The following PRDM16 variants were observed in gnomAD, a reference collection of about 807,000 sequenced individuals.
PRDM16 encodes histone-lysine N-methyltransferase PRDM16.
In PRDM16, 23 loss-of-function variants were observed where a neutral mutation model predicts 110.6. The ratio of observed to expected loss-of-function variants is 0.21; its 90% CI spans 0.15 to 0.29. PRDM16 has a LOEUF of 0.29. Ranked by LOEUF, PRDM16 falls within the 10% of genes least tolerant of loss-of-function variation. PRDM16 has a pLI of 1.00. For missense variants in PRDM16, 1,615 were observed against 1,794.3 expected (o/e 0.90, Z 1.81); for synonymous variants, 799 against 781.8 (o/e 1.02, Z -0.37).
intron 1 of PRDM16, among the ~76,000 whole-genome samples, chr1:3,082,138 G>A (rs146097721): frequency 7.2e-4 from 109 of 152,294 alleles, no homozygotes; most frequent in Middle Eastern, 6.8e-3. Flanking sequence ...ACCAAACCAC[G>A]GGAACTTGAT....
At chr1:3,191,854 G>A (rs1638316142) in intron 2 of PRDM16, among the ~76,000 whole-genome samples, 1 of 152,172 alleles carries the variant, frequency 6.6e-6, no homozygotes, top group Admixed American at 6.5e-5. Flanking sequence ...TCCATGATTG[G>A]CTTTTAAAGG....
chr1:3,253,038 C>T (rs1639969460), intron 3 of PRDM16, among the ~76,000 whole-genome samples: 2 of 152,132 alleles, frequency 1.3e-5, no homozygotes. Flanking sequence ...CGCGCTGCTG[C>T]TGCGCTTGTC....
intron 2 of PRDM16, among the ~76,000 whole-genome samples, chr1:3,229,637 C>A (rs776540478): frequency 6.6e-6 from 1 of 152,210 alleles, no homozygotes; most frequent in Non-Finnish European, 1.5e-5. Context: ...ACTTGCAGCC[C>A]ATGAGCCTGG....
In PRDM16 at chr1:3,189,574, A is replaced by C. The variant is rs1266860020; in HGVS notation, c.387+3100A>C. Reference sequence around the variant, plus strand: ...TCACACTGGTAATTAAGTGTTATGAATCAGAGTGATTTGACTTTACTGTAA... The same window carrying C: ...TCACACTGGTAATTAAGTGTTATGACTCAGAGTGATTTGACTTTACTGTAA... On this transcript the variant is annotated intron_variant, in intron 2 of 16. Coordinates refer to ENST00000270722, the MANE Select transcript of PRDM16 (RefSeq NM_022114.4). Among the ~76,000 whole-genome samples the C allele has an allele frequency of 2.6e-5, 4 of 152,394 alleles. No individual in the cohort carries two copies. In the East Asian group the frequency reaches 5.8e-4, roughly 22 times the overall value.
intron 3 of PRDM16, among the ~76,000 whole-genome samples, chr1:3,303,301 C>T (rs1641245676): frequency 6.6e-6 from 1 of 152,034 alleles, no homozygotes. Context: ...CCAGACATTT[C>T]CTGTAAGTGG....
rs555203882 is a variant in PRDM16, at chr1:3,175,297, AC to A, written c.38-10826del. On this transcript the variant is annotated intron_variant, in intron 1 of 16. Coordinates refer to ENST00000270722, the MANE Select transcript of PRDM16 (RefSeq NM_022114.4). This position sits in a 1 kb window ranked among gnomAD's most constrained non-coding sequence, Gnocchi z 4.8. ...CCCACTGAAGAAGGGCCTTCTGTTC[AC>A]CAGGGTATACTCGGCAGAGATGTAG... 2.5e-3 allele frequency among the ~76,000 whole-genome samples: 388 copies of A among 152,292 alleles called. 5 individuals are homozygous for A. Among genetic ancestry groups the A allele is most frequent in the Middle Eastern group, 0.017 (5 of 294 alleles).
chr1:3,437,031 G>C lies in PRDM16; in HGVS notation c.*3220G>C, dbSNP rs1161630744. On this transcript the variant is annotated 3_prime_UTR_variant, in exon 17 of 17. Coordinates refer to ENST00000270722, the MANE Select transcript of PRDM16 (RefSeq NM_022114.4). ...GCTCTCATCCCCAGGTTGGGCACGTGGGGTTCCTCCTCTGTGGGCCTGGCA... is the reference window on the plus strand; with the variant it reads ...GCTCTCATCCCCAGGTTGGGCACGTCGGGTTCCTCCTCTGTGGGCCTGGCA... 1.7e-5 allele frequency: 4 copies of C among 232,984 alleles called. No individual in the cohort carries two copies. The highest frequency in any genetic ancestry group is 3.4e-5 in the Non-Finnish European group (4 of 117,960). 14.4% of individuals were successfully genotyped at this position (232,984 alleles called of 1,614,324 possible). A position where few individuals can be genotyped will look rare whatever the true frequency, so the allele number is the denominator to read the frequency against.
chr1:3,079,407 C>T lies in PRDM16; in HGVS notation c.37+10111C>T, dbSNP rs369017610. Among the ~76,000 whole-genome samples the T allele has an allele frequency of 4.6e-5, 7 of 152,306 alleles. No homozygotes were observed. In the East Asian group the frequency reaches 9.7e-4, roughly 21 times the overall value. On this transcript the variant is annotated intron_variant, in intron 1 of 16. Transcript: ENST00000270722. ...CCCCTGTGTGTGCACAGGGATCCTG[C>T]GGTTGCAGGGCTGTCAGGGGGACTG...
intron 3 of PRDM16, among the ~76,000 whole-genome samples, chr1:3,331,869 C>G (rs2100489895): frequency 6.6e-6 from 1 of 152,326 alleles, no homozygotes; most frequent in East Asian, 1.9e-4. Context: ...GCACACAGCC[C>G]CGGGGGGCCT....
At chr1:3,409,302 C>A (rs1214991252) in intron 8 of PRDM16, among the ~76,000 whole-genome samples, 1 of 151,860 alleles carries the variant, frequency 6.6e-6, no homozygotes, top group East Asian at 2.0e-4. Context: ...CCCCGAGGGC[C>A]AGGTAGGTGA....
At chr1:3,232,483 A>G (rs569135980) in intron 2 of PRDM16, among the ~76,000 whole-genome samples, 10 of 152,338 alleles carry the variant, frequency 6.6e-5, no homozygotes, top group Admixed American at 2.0e-4. Context: ...TTTTATTTCA[A>G]TCAGGAATAA....
At chr1:3,415,723 T>C (rs951435152) in intron 10 of PRDM16, among the ~76,000 whole-genome samples, 2 of 152,220 alleles carry the variant, frequency 1.3e-5, no homozygotes, top group Non-Finnish European at 2.9e-5. Context: ...CCATTGTCCC[T>C]CCTGCCCGCT....
intron 16 of PRDM16, 95 bp from the exon 17 acceptor site, chr1:3,433,577 GCCCGC>G: frequency 2.3e-6 from 1 of 443,242 alleles, no homozygotes; most frequent in Non-Finnish European, 4.0e-6. Context: ...GTCTGGGATG[GCCCGC>G]CCTGCCCACG....
intron 3 of PRDM16, among the ~76,000 whole-genome samples, chr1:3,334,543 G>A (rs937941574): frequency 1.3e-5 from 2 of 152,220 alleles, no homozygotes; most frequent in Non-Finnish European, 2.9e-5. Flanking sequence ...CTCCTCTTGT[G>A]GGGAGGAAAG....
At chr1:3,398,512 A>C (rs935384431) in intron 5 of PRDM16, among the ~76,000 whole-genome samples, 3 of 152,200 alleles carry the variant, frequency 2.0e-5, no homozygotes, top group Non-Finnish European at 4.4e-5. Context: ...ACCCCAGCTC[A>C]ATGCAGCCAG....
At chr1:3,097,499 C>T (rs942497685) in intron 1 of PRDM16, among the ~76,000 whole-genome samples, 15 of 152,208 alleles carry the variant, frequency 9.9e-5, no homozygotes, top group African/African-American at 3.6e-4. Flanking sequence ...CCCCTCATTC[C>T]ATACAGGCCA....
rs1313745870 is a variant in PRDM16 at position 3,156,320 on chromosome 1, G to A, written c.38-29805G>A. On this transcript the variant is annotated intron_variant, in intron 1 of 16. Coordinates refer to ENST00000270722, the MANE Select transcript of PRDM16 (RefSeq NM_022114.4). ...AATTGTGATCGGTTTGATTTTAGGT[G>A]ACTTTGGGGGAAATGATTCTTGGAG... Among the ~76,000 whole-genome samples the A allele has an allele frequency of 3.3e-5, 5 of 152,246 alleles. No homozygotes were observed. The East Asian group carries it at 9.6e-4, about 29-fold the overall frequency.
rs956516078 is a variant in PRDM16 at position 3,358,987 on chromosome 1, G to T, written c.439-26165G>T. ...GTGGCTCATGTTGTCATCTTGGGTC[G>T]CATTACAGCCAGTTGACTCGCGGAG... On this transcript the variant is annotated intron_variant, in intron 3 of 16. Coordinates refer to ENST00000270722, the MANE Select transcript of PRDM16 (RefSeq NM_022114.4). This position sits in a 1 kb window ranked among gnomAD's most constrained non-coding sequence, Gnocchi z 4.0. 6.6e-6 allele frequency among the ~76,000 whole-genome samples: 1 copy of T among 152,172 alleles called. No individual in the cohort carries two copies. Among genetic ancestry groups the T allele is most frequent in the Non-Finnish European group, 1.5e-5 (1 of 68,040 alleles).
rs146586353 is a variant in PRDM16 at position 3,296,280 on chromosome 1, C to G, written c.438+52143C>G. Among the ~76,000 whole-genome samples the G allele has an allele frequency of 5.6e-3, 849 of 152,340 alleles. 9 individuals carry two copies. The highest frequency in any genetic ancestry group is 0.019 in the African/African-American group (798 of 41,584). Reference sequence around the variant, plus strand: ...GCCCCAGTTCCCATCTGCAGGGACCCAGAGTCACATTCGCCTCCTAGAGAG... The same window carrying G: ...GCCCCAGTTCCCATCTGCAGGGACCGAGAGTCACATTCGCCTCCTAGAGAG... On this transcript the variant is annotated intron_variant, in intron 3 of 16. Coordinates refer to ENST00000270722, the MANE Select transcript of PRDM16 (RefSeq NM_022114.4).
Sources: gnomAD v4.1 joint callset for allele counts (sites outside exome capture counted in the v4.1 genomes callset) on GRCh38, gnomAD v4.1.1 for gene constraint, Gnocchi (gnomAD v3.1) non-coding constraint, MANE v1.5 for transcripts, NCBI Gene and HGNC (gene_info 2026-07-23, HGNC 2026-07-21) for gene names.